SPIRE2: variants seen among roughly 807,000 people sequenced by gnomAD.
The protein encoded by SPIRE2 is spire type actin nucleation factor 2.
In SPIRE2, 76 loss-of-function variants were observed where a neutral mutation model predicts 80.7. The ratio of observed to expected loss-of-function variants is 0.94; its 90% CI spans 0.78 to 1.14. The LOEUF is 1.14. Ranked by LOEUF, SPIRE2 falls within the 50% of genes most tolerant of loss-of-function variation. SPIRE2 has a pLI of 0.00. For missense variants in SPIRE2, 1,196 were observed against 1,015.3 expected (o/e 1.18, Z -2.42); for synonymous variants, 535 against 432.6 (o/e 1.24, Z -2.94).
Position 89,859,651 on chromosome 16 carries a change from T to A in SPIRE2, c.1462+297T>A, listed in dbSNP as rs1411815457. On this transcript the variant is annotated intron_variant, in intron 9 of 14. Transcript: ENST00000378247. ...GGATATAGAAAGATAGCTAACTAGA[T>A]GAGTGATAGACCCTTCTAGTCCTCT... is the stretch of plus-strand genomic sequence containing the variant. 3.9e-5 allele frequency among the ~76,000 whole-genome samples: 6 copies of A among 152,192 alleles called. 1 individual carries two copies. The highest frequency in any genetic ancestry group is 8.8e-5 in the Non-Finnish European group (6 of 68,020).
chr16:89,859,434 C>T (rs970457177), intron 9 of SPIRE2, 80 bp downstream of exon 9: 92 of 901,176 alleles, frequency 1.0e-4, no homozygotes, highest in Non-Finnish European at 1.3e-4. Context: ...TCCACCTCAG[C>T]CCACATCTTC....
chr16:89,860,586 C>T, intron 9 of SPIRE2, 97 bp from the exon 10 acceptor site: 4 of 834,242 alleles, frequency 4.8e-6, no homozygotes, highest in South Asian at 3.0e-5. Flanking sequence ...GCTTGGTTCC[C>T]CTGGAGCCCT....
chr16:89,855,139 T>C (rs188482205), intron 5 of SPIRE2, among the ~76,000 whole-genome samples: 15 of 152,224 alleles, frequency 9.9e-5, no homozygotes, highest in East Asian at 7.7e-4. Context: ...GGGGTTTCAC[T>C]GTGTTAGCCA....
intron 10 of SPIRE2, among the ~76,000 whole-genome samples, chr16:89,861,095 T>C (rs2041740461): frequency 6.6e-6 from 1 of 152,110 alleles, no homozygotes; most frequent in Admixed American, 6.5e-5. Flanking sequence ...CTGCGTGCCC[T>C]GTGCCTGGAG....
chr16:89,843,682 TTTG>T (rs1567671344), intron 1 of SPIRE2, among the ~76,000 whole-genome samples: 7 of 18,556 alleles, frequency 3.8e-4, no homozygotes, highest in Admixed American at 7.1e-4. Context: ...TTTTTTTTTG[TTTG>T]TTTTTGTTTT....
At chr16:89,836,675 G>A (rs981662022) in intron 1 of SPIRE2, among the ~76,000 whole-genome samples, 1 of 151,976 alleles carries the variant, frequency 6.6e-6, no homozygotes, top group African/African-American at 2.4e-5. Flanking sequence ...CACCGCCCTG[G>A]AGAGCTGTGA....
Position 89,859,287 on chromosome 16 carries a change from A to G in SPIRE2, c.1395A>G (p.Gly465=), listed in dbSNP as rs758429426. 8.1e-6 allele frequency: 13 copies of G among 1,602,334 alleles called. No homozygotes were observed. In the East Asian group the frequency reaches 2.9e-4, roughly 36 times the overall value. ...SGLQSATHPP[G]GTEPPRPRAG... ...TGCAGTCGGCCACCCACCCCCCAGG[A>G]GGGACGGAGCCACCACGGCCCCGAG... The change falls in exon 9 of 15, where the codon GGA becomes GGG. Residue 465 remains glycine (G), a synonymous_variant. Transcript: ENST00000378247.
In SPIRE2 at chr16:89,828,708, G is replaced by C; in HGVS notation, c.158G>C (p.Gly53Ala). Residue 53 changes from glycine (G) to alanine (A), a missense_variant, in exon 1 of 15, where the codon GGC becomes GCC. Physicochemically the swap from Gly to Ala is moderately conservative, Grantham distance 60. Transcript: ENST00000378247. This position sits in a 1 kb window ranked among gnomAD's most constrained non-coding sequence, Gnocchi z 5.9. ...VCFQGCRGLR[G>A]SPGRRLRDTG... is the part of the protein sequence containing the mutation. ...TTCCAGGGCTGCCGCGGGCTGCGGG[G>C]CTCGCCGGGCCGGCGCCTGCGGGAT... 1 of 1,272,328 alleles carries C rather than the reference G, an allele frequency of 7.9e-7. No individual in the cohort carries two copies. Among genetic ancestry groups the C allele is most frequent in the Non-Finnish European group, 9.9e-7 (1 of 1,005,588 alleles). The allele number at this position is 1,272,328 out of a possible 1,614,324, so 78.8% of individuals were successfully genotyped here. A position where few individuals can be genotyped will look rare whatever the true frequency, so the allele number is the denominator to read the frequency against.
Position 89,863,970 on chromosome 16 carries a change from TC to T in SPIRE2, c.1778+110del. ...TGATTCCAGGAATGTTCTAGCATGT[TC>T]GATGGCTGATGAGTCCACAAGATAT... On this transcript the variant is annotated intron_variant, in intron 12 of 14. Coordinates refer to ENST00000378247, the MANE Select transcript of SPIRE2 (RefSeq NM_032451.2). The surrounding 1 kb of genome is among the most constrained non-coding windows in gnomAD (Gnocchi z 4.3). The T allele has an allele frequency of 1.3e-6, 1 of 766,518 alleles. No homozygotes were observed. The highest frequency in any genetic ancestry group is 2.5e-5 in the East Asian group (1 of 40,186). 47.5% of individuals were successfully genotyped at this position (766,518 alleles called of 1,614,324 possible).
chr16:89,859,264 C>T lies in SPIRE2; in HGVS notation c.1372C>T (p.Gln458Ter). ...CCGAAGTGAGGTGGCCTCTGGCCTGCAGTCGGCCACCCACCCCCCAGGAGG... is the reference window on the plus strand; with the variant it reads ...CCGAAGTGAGGTGGCCTCTGGCCTGTAGTCGGCCACCCACCCCCCAGGAGG... ...QLRSEVASGL[Q>*]SATHPPGGTE... Residue 458 changes from glutamine (Q) to a stop codon, truncating the protein, a stop_gained, in exon 9 of 15, where the codon CAG becomes TAG. Transcript: ENST00000378247. LOFTEE classifies it high-confidence loss of function. The T allele has an allele frequency of 1.9e-6, 3 of 1,607,516 alleles. No individual in the cohort carries two copies. The highest frequency in any genetic ancestry group is 1.7e-6 in the Non-Finnish European group (2 of 1,178,724).
At position 89,863,073 on chromosome 16, in the gene SPIRE2, G is replaced by A; in HGVS notation, c.1576-403G>A. The A allele has an allele frequency of 4.9e-6, 1 of 202,992 alleles. No individual in the cohort carries two copies. The highest frequency in any genetic ancestry group is 1.0e-5 in the Non-Finnish European group (1 of 98,028). The allele number at this position is 202,992 out of a possible 1,614,324, so 12.6% of individuals were successfully genotyped here. A position where few individuals can be genotyped will look rare whatever the true frequency, so the allele number is the denominator to read the frequency against. On this transcript the variant is annotated intron_variant, in intron 10 of 14. Coordinates refer to ENST00000378247, the MANE Select transcript of SPIRE2 (RefSeq NM_032451.2). The surrounding 1 kb of genome is among the most constrained non-coding windows in gnomAD (Gnocchi z 4.3). ...AGATGGGCAGATGCAAGCTGAGGTG[G>A]CCTGTTGGAGGGTCCTGGACCTTCC... is the stretch of plus-strand genomic sequence containing the variant.
Position 89,856,218 on chromosome 16 carries a change from G to A in SPIRE2, c.1084G>A (p.Glu362Lys), listed in dbSNP as rs767480736. Residue 362 changes from glutamate to lysine, a missense_variant, in exon 7 of 15, where the codon GAG becomes AAG. Physicochemically the swap from Glu to Lys is moderately conservative, Grantham distance 56. Coordinates refer to ENST00000378247, the MANE Select transcript of SPIRE2 (RefSeq NM_032451.2). ...QERRLRPVRG[E>K]GWAARGFGSL... ...GCGGAGGCTGCGCCCGGTGCGGGGC[G>A]AGGGCTGGGCTGCCCGCGGTGAGTG... 24 of 1,585,404 alleles carry A rather than the reference G, an allele frequency of 1.5e-5. No individual in the cohort carries two copies. In the East Asian group the frequency reaches 2.1e-4, roughly 14 times the overall value.
intron 1 of SPIRE2, among the ~76,000 whole-genome samples, chr16:89,835,606 G>A (rs2041440752): frequency 6.6e-6 from 1 of 152,186 alleles, no homozygotes. Context: ...CTCAGTGCAG[G>A]AAGACAGAAG....
At position 89,828,648 on chromosome 16, in the gene SPIRE2, A is replaced by G; in HGVS notation, c.98A>G (p.Gln33Arg). 2 of 1,365,474 alleles carry G rather than the reference A, an allele frequency of 1.5e-6. No individual in the cohort carries two copies. Among genetic ancestry groups the G allele is most frequent in the Non-Finnish European group, 1.9e-6 (2 of 1,048,818 alleles). The allele number at this position is 1,365,474 out of a possible 1,614,324, so 84.6% of individuals were successfully genotyped here. Residue 33 changes from glutamine (Q) to arginine (R), a missense_variant, in exon 1 of 15, where the codon CAG becomes CGG. Gln to Arg is a conservative substitution (Grantham distance 43). Transcript: ENST00000378247. The surrounding 1 kb of genome is among the most constrained non-coding windows in gnomAD (Gnocchi z 5.9). ...GAGGAGGTGCTGAAGGCCTACGAGC[A>G]GCCGCTCAACGAGGAGCAGGCGTGG... Reference protein sequence around the residue: ...SLEEVLKAYEQPLNEEQAWAV... With the variant: ...SLEEVLKAYERPLNEEQAWAV...
At chr16:89,854,751 A>G in intron 5 of SPIRE2, 100 bp downstream of exon 5, 1 of 1,296,442 alleles carries the variant, frequency 7.7e-7, no homozygotes, top group South Asian at 1.3e-5. Flanking sequence ...CCCACCCCAG[A>G]GAGCGGCCCA....
At position 89,854,991 on chromosome 16, in the gene SPIRE2, G is replaced by T. The variant is rs529691351; in HGVS notation, c.891+340G>T. Among the ~76,000 whole-genome samples, 18 of 152,168 alleles carry T rather than the reference G, an allele frequency of 1.2e-4. No homozygotes were observed. The South Asian group carries it at 1.2e-3, about 11-fold the overall frequency. On this transcript the variant is annotated intron_variant, in intron 5 of 14. Transcript: ENST00000378247. ...TCTCGCTCTGTCGCCCAGGCTGGAG[G>T]GCAATGGTGCGACCTTGGCTCACTG...
chr16:89,856,234 G>A lies in SPIRE2; in HGVS notation c.1100G>A (p.Arg367His), dbSNP rs373707880. The change falls in exon 7 of 15, where the codon CGC becomes CAC. Residue 367 changes from arginine to histidine, a missense_variant and splice_region_variant. Transcript: ENST00000378247. The part of the protein sequence containing the change: ...RPVRGEGWAA[R>H]GFGSLPCILN... ...GTGCGGGGCGAGGGCTGGGCTGCCC[G>A]CGGTGAGTGAGGGGATGGCAGGAGA... 59 of 1,569,724 alleles carry A rather than the reference G, an allele frequency of 3.8e-5. No homozygotes were observed. The East Asian group carries it at 5.1e-4, about 14-fold the overall frequency.
Position 89,834,317 on chromosome 16 carries a change from A to G in SPIRE2, c.244+5523A>G, listed in dbSNP as rs111559952. 1.7e-3 allele frequency among the ~76,000 whole-genome samples: 232 copies of G among 135,498 alleles called. 1 individual carries two copies. Among genetic ancestry groups the G allele is most frequent in the African/African-American group, 5.5e-3 (208 of 37,912 alleles). 88.9% of individuals were successfully genotyped at this position (135,498 alleles called of 152,430 possible). A position where few individuals can be genotyped will look rare whatever the true frequency, so the allele number is the denominator to read the frequency against. The stretch of plus-strand genomic sequence containing the variant: ...GGTTGGCCGTCGTAGAAGGCCCCAT[A>G]AGCATAGCCCGTGTGAATCTGTGAA... On this transcript the variant is annotated intron_variant, in intron 1 of 14. Transcript: ENST00000378247.
intron 9 of SPIRE2, among the ~76,000 whole-genome samples, chr16:89,860,282 A>G (rs1367997959): frequency 6.6e-6 from 1 of 152,054 alleles, no homozygotes; most frequent in Non-Finnish European, 1.5e-5. Flanking sequence ...TTTTTGAGAC[A>G]AGGTCTTGCT....
Sources: allele counts gnomAD v4.1 joint callset (sites outside exome capture counted in the v4.1 genomes callset), GRCh38; gene constraint gnomAD v4.1.1; non-coding constraint Gnocchi (gnomAD v3.1); transcripts MANE v1.5; gene names NCBI Gene and HGNC (gene_info 2026-07-23, HGNC 2026-07-21).